The following RNF214 variants were observed in gnomAD, a reference collection of about 807,000 sequenced individuals.
RNF214 encodes the protein ring finger protein 214.
RNF214 carries 25 observed loss-of-function variants against 75.9 expected under a neutral mutation model. The ratio of observed to expected loss-of-function variants is 0.33; its 90% CI spans 0.24 to 0.46. The LOEUF (loss-of-function observed/expected upper bound fraction) is 0.46, where lower values mean the gene tolerates loss of function less well. Among genes scored for constraint, RNF214 ranks in the 20% least tolerant of loss-of-function variants. The pLI, the probability that RNF214 is intolerant of heterozygous loss-of-function variation, is 1.00. For synonymous variants in RNF214, 314 were observed against 308.8 expected (o/e 1.02, Z -0.18); for missense variants, 725 against 857.5 (o/e 0.85, Z 1.93).
intron 6 of RNF214, chr11:117,263,977 A>T (rs1178651168): frequency 1.1e-5 from 2 of 175,702 alleles, no homozygotes; most frequent in African/African-American, 4.8e-5. Context: ...TTTTCAGGTG[A>T]TAAGTGGTAT....
intron 6 of RNF214, among the ~76,000 whole-genome samples, chr11:117,249,275 T>G (rs923714362): frequency 1.3e-5 from 2 of 152,174 alleles, no homozygotes; most frequent in African/African-American, 2.4e-5. Context: ...AAACTCACTT[T>G]TACTCTTTAC....
intron 4 of RNF214, among the ~76,000 whole-genome samples, chr11:117,243,788 C>T (rs918129894): frequency 2.6e-5 from 4 of 152,084 alleles, no homozygotes; most frequent in Admixed American, 2.6e-4. Context: ...AGCTTCTGGC[C>T]TCAAGCAGTC....
At chr11:117,282,324 G>A in intron 11 of RNF214, 54 bp downstream of exon 11, 1 of 1,588,212 alleles carries the variant, frequency 6.3e-7, no homozygotes, top group Non-Finnish European at 8.6e-7. Flanking sequence ...ATGCTTATGG[G>A]TTAAAACAGA....
chr11:117,234,231 A>C, intron 1 of RNF214, 36 bp from the exon 2 acceptor site: 1 of 1,491,328 alleles, frequency 6.7e-7, no homozygotes, highest in South Asian at 1.1e-5. Flanking sequence ...TAAACTTTGG[A>C]AACTTGTAGC....
At chr11:117,246,684 C>A (rs2033234192) in intron 5 of RNF214, 125 bp from the exon 6 acceptor site, 1 of 1,001,422 alleles carries the variant, frequency 1.0e-6, no homozygotes, top group Non-Finnish European at 1.4e-6. Context: ...CACATTCTTT[C>A]AATTCAATTT....
chr11:117,281,237 CT>C, intron 8 of RNF214, 76 bp from the exon 9 acceptor site: 1 of 1,011,230 alleles, frequency 9.9e-7, no homozygotes, highest in Non-Finnish European at 1.6e-6. Context: ...GCCTCTTGTG[CT>C]GGGATTACAG....
rs2134422042 is a variant in RNF214 at position 117,281,586 on chromosome 11, C to T, written c.1237-14C>T. 3.3e-6 allele frequency: 4 copies of T among 1,225,156 alleles called. No homozygotes were observed. The highest frequency in any genetic ancestry group is 4.6e-6 in the Non-Finnish European group (4 of 878,202). 75.9% of individuals were successfully genotyped at this position (1,225,156 alleles called of 1,614,324 possible). ...AGTCAGTTCAGCAGTAAAAATAATC[C>T]TTTTTTTTTTTAGGACCAATTTAAT... On this transcript the variant is annotated splice_polypyrimidine_tract_variant and intron_variant, in intron 9 of 14. Coordinates refer to ENST00000300650, the MANE Select transcript of RNF214 (RefSeq NM_207343.4).
At chr11:117,251,353 G>A (rs1465396664) in intron 6 of RNF214, among the ~76,000 whole-genome samples, 8 of 138,124 alleles carry the variant, frequency 5.8e-5, no homozygotes, top group African/African-American at 2.1e-4. Flanking sequence ...CTCACCTCCC[G>A]GACGGGGCGG....
chr11:117,240,657 C>A (rs2033053616), intron 4 of RNF214, among the ~76,000 whole-genome samples: 1 of 151,992 alleles, frequency 6.6e-6, no homozygotes, highest in Admixed American at 6.6e-5. Context: ...CACTGCACCC[C>A]AGCCTGGACA....
intron 5 of RNF214, 62 bp from the exon 6 acceptor site, chr11:117,246,747 A>AT: frequency 7.0e-7 from 1 of 1,427,972 alleles, no homozygotes; most frequent in African/African-American, 1.4e-5. Context: ...TAACCTTTGC[A>AT]TCAAAAGAAC....
chr11:117,270,286 G>GT (rs147951050), intron 6 of RNF214, among the ~76,000 whole-genome samples: 4,106 of 111,006 alleles, frequency 0.037, 132 homozygotes, highest in African/African-American at 0.099. Context: ...GTCTTACTCA[G>GT]TTGCTCTGTT....
chr11:117,244,726 C>A, intron 5 of RNF214, 141 bp downstream of exon 5: 3 of 613,554 alleles, frequency 4.9e-6, no homozygotes, highest in Non-Finnish European at 7.6e-6. Context: ...AATGTGGTAG[C>A]ATAATCTTGG....
rs777581401 is a variant in RNF214, at chr11:117,285,074, C to G, written c.2047-12C>G. 1.3e-6 allele frequency: 2 copies of G among 1,599,690 alleles called. No homozygotes were observed. Among genetic ancestry groups the G allele is most frequent in the Non-Finnish European group, 1.7e-6 (2 of 1,167,298 alleles). ...CCAGATAAACCTGAGGTGTGTCTTT[C>G]TTTCTTTCCAGTGTATCAAATTCTG... On this transcript the variant is annotated splice_polypyrimidine_tract_variant and intron_variant, in intron 14 of 14. Transcript: ENST00000300650.
chr11:117,236,337 G>A (rs188083131), intron 2 of RNF214, among the ~76,000 whole-genome samples: 8 of 151,680 alleles, frequency 5.3e-5, no homozygotes, highest in African/African-American at 1.9e-4. Context: ...GCAGTGGCGC[G>A]ATTTCCGCTC....
intron 14 of RNF214, among the ~76,000 whole-genome samples, chr11:117,284,205 A>T (rs2034194053): frequency 1.3e-5 from 2 of 152,174 alleles, no homozygotes; most frequent in African/African-American, 4.8e-5. Context: ...GGAATGGAGG[A>T]CCTGAGTATG....
chr11:117,243,647 T>C (rs2033138950), intron 4 of RNF214, among the ~76,000 whole-genome samples: 1 of 152,224 alleles, frequency 6.6e-6, no homozygotes, highest in Non-Finnish European at 1.5e-5. Context: ...AAGGTAACCA[T>C]TGATTTTCTT....
chr11:117,251,377 G>A (rs2033382544), intron 6 of RNF214, among the ~76,000 whole-genome samples: 2 of 145,204 alleles, frequency 1.4e-5, no homozygotes, highest in Non-Finnish European at 3.1e-5. Flanking sequence ...GCCGGGCGGG[G>A]GGCTGACCCC....
intron 4 of RNF214, among the ~76,000 whole-genome samples, chr11:117,243,147 A>ATGT (rs1555052422): frequency 6.7e-6 from 1 of 150,342 alleles, no homozygotes; most frequent in Non-Finnish European, 1.5e-5. Context: ...TTAATTAATT[A>ATGT]ATTTATTTAT....
At chr11:117,274,032 C>T (rs972273677) in intron 6 of RNF214, among the ~76,000 whole-genome samples, 3 of 152,214 alleles carry the variant, frequency 2.0e-5, no homozygotes, top group Non-Finnish European at 2.9e-5. Context: ...AGGCAGCAGG[C>T]GCAAAACACT....
Sources: allele counts gnomAD v4.1 joint callset (sites outside exome capture counted in the v4.1 genomes callset), GRCh38; gene constraint gnomAD v4.1.1; transcripts MANE v1.5; gene names NCBI Gene and HGNC (gene_info 2026-07-23, HGNC 2026-07-21).